LMLN: variants seen among roughly 807,000 people sequenced by gnomAD.
LMLN encodes the protein leishmanolysin like peptidase.
In LMLN, 70 loss-of-function variants were observed where a neutral mutation model predicts 92.3. The observed-to-expected ratio is 0.76, with a 90% CI of 0.63 to 0.92. LMLN has a LOEUF of 0.92. Among genes scored for constraint, LMLN ranks in the 40% least tolerant of loss-of-function variants. The pLI is 0.00. For synonymous variants in LMLN, 308 were observed against 296.2 expected (o/e 1.04, Z -0.41); for missense variants, 691 against 814.6 (o/e 0.85, Z 1.85).
intron 8 of LMLN, among the ~76,000 whole-genome samples, chr3:197,989,716 G>A (rs2109881280): frequency 6.6e-6 from 1 of 152,004 alleles, no homozygotes. Context: ...TTGTTGAAAA[G>A]ATGAAATTTA....
rs531717004 is a variant in LMLN at position 197,994,336 on chromosome 3, CAG to C, written c.1048-1833_1048-1832del. On this transcript the variant is annotated intron_variant, in intron 9 of 15. Transcript: ENST00000330198. Reference sequence around the variant, plus strand: ...AAAGTGTGAAGAGACAGCCTAGAAACAGAGAGAAAATATTTGCAAGCCATACA... The same window carrying C: ...AAAGTGTGAAGAGACAGCCTAGAAACAGAGAAAATATTTGCAAGCCATACA... Among the ~76,000 whole-genome samples the C allele has an allele frequency of 2.2e-3, 328 of 152,136 alleles. 2 individuals are homozygous for C. The highest frequency in any genetic ancestry group is 3.8e-3 in the Non-Finnish European group (255 of 67,984).
Position 198,025,761 on chromosome 3 carries a change from A to G in LMLN, c.1656+973A>G, listed in dbSNP as rs1159469989. On this transcript the variant is annotated intron_variant, in intron 14 of 15. Transcript: ENST00000330198. The surrounding 1 kb of genome is among the most constrained non-coding windows in gnomAD (Gnocchi z 4.3). ...TAAAGATGTAGCCATTCTGTGACTT[A>G]GGAGCATCCAATGGAATGAATCTTC... Among the ~76,000 whole-genome samples, 1 of 152,234 alleles carries G rather than the reference A, an allele frequency of 6.6e-6. No homozygotes were observed. The highest frequency in any genetic ancestry group is 6.5e-5 in the Admixed American group (1 of 15,276).
At chr3:197,966,502 T>A (rs1206043556) in intron 1 of LMLN, among the ~76,000 whole-genome samples, 1 of 152,156 alleles carries the variant, frequency 6.6e-6, no homozygotes, top group Non-Finnish European at 1.5e-5. Context: ...AGGTATGCTT[T>A]ATAAAATTAA....
chr3:198,020,242 C>T lies in LMLN; in HGVS notation c.1365+857C>T, dbSNP rs1392899679. On this transcript the variant is annotated intron_variant, in intron 12 of 15. Transcript: ENST00000330198. ...AACTCCTGACCTCATGTGATCTGCC[C>T]GCCTCAGCCTCCCAAAGTGTTGGGA... 3.3e-5 allele frequency among the ~76,000 whole-genome samples: 5 copies of T among 151,910 alleles called. No homozygotes were observed. In the East Asian group the frequency reaches 5.8e-4, roughly 18 times the overall value.
chr3:197,998,626 A>G (rs1330869203), intron 10 of LMLN, among the ~76,000 whole-genome samples: 1 of 152,186 alleles, frequency 6.6e-6, no homozygotes, highest in East Asian at 1.9e-4. Flanking sequence ...GTTCAATGGA[A>G]AGATTTAAAG....
chr3:198,038,817 C>G (rs1723307914), exon 16 of LMLN: 1 of 632,024 alleles, frequency 1.6e-6, no homozygotes, highest in South Asian at 1.8e-5. Flanking sequence ...GACCTTGAAG[C>G]AGAACTTCAC....
intron 1 of LMLN, among the ~76,000 whole-genome samples, chr3:197,962,777 T>C (rs1720941916): frequency 6.6e-6 from 1 of 152,068 alleles, no homozygotes; most frequent in Non-Finnish European, 1.5e-5. Context: ...CTTTTTTTTT[T>C]TTTTTGCCCC....
chr3:198,022,593 C>T (rs13064175), intron 13 of LMLN, among the ~76,000 whole-genome samples: 16,161 of 152,284 alleles, frequency 0.11, 1,147 homozygotes, highest in Non-Finnish European at 0.15. Context: ...CAGTGGCTCA[C>T]GCCTGTAATC....
At chr3:197,984,922 C>T (rs538666154) in intron 7 of LMLN, among the ~76,000 whole-genome samples, 2 of 152,072 alleles carry the variant, frequency 1.3e-5, no homozygotes, top group African/African-American at 4.8e-5. Context: ...AGTGATCCCC[C>T]CCGCCTCAGC....
At chr3:198,008,777 A>G (rs1446619784) in intron 11 of LMLN, among the ~76,000 whole-genome samples, 4 of 152,204 alleles carry the variant, frequency 2.6e-5, no homozygotes, top group South Asian at 4.1e-4. Flanking sequence ...GGTGTTTATC[A>G]TGCTTTATTT....
chr3:198,036,233 T>G (rs1256262490), intron 15 of LMLN, among the ~76,000 whole-genome samples, 190 bp downstream of exon 16: 1 of 152,184 alleles, frequency 6.6e-6, no homozygotes, highest in Non-Finnish European at 1.5e-5. Flanking sequence ...CTTGACACTT[T>G]TGAGTAAGAG....
chr3:197,971,526 C>A (rs947596131), intron 1 of LMLN, among the ~76,000 whole-genome samples: 1 of 152,172 alleles, frequency 6.6e-6, no homozygotes, highest in African/African-American at 2.4e-5. Flanking sequence ...TCTCTCATTG[C>A]TTTCAATATT....
chr3:197,965,371 C>T (rs373665871), intron 1 of LMLN, among the ~76,000 whole-genome samples: 2 of 151,696 alleles, frequency 1.3e-5, no homozygotes, highest in African/African-American at 2.4e-5. Context: ...TAATTTTTCA[C>T]GTGTACTTGT....
chr3:198,013,650 C>T (rs1396084982), intron 11 of LMLN, among the ~76,000 whole-genome samples: 1 of 132,096 alleles, frequency 7.6e-6, no homozygotes, highest in Non-Finnish European at 1.6e-5. Context: ...TTCTCTCCAC[C>T]CTTCAGAGCC....
intron 9 of LMLN, among the ~76,000 whole-genome samples, chr3:197,991,198 C>T (rs75160781): frequency 5.3e-4 from 80 of 150,238 alleles, no homozygotes; most frequent in African/African-American, 1.8e-3. Flanking sequence ...CTGTCTCCTG[C>T]GCCAAAGTGA....
chr3:198,009,105 C>T (rs1056326507), intron 11 of LMLN, among the ~76,000 whole-genome samples: 13 of 152,102 alleles, frequency 8.5e-5, no homozygotes, highest in Non-Finnish European at 1.3e-4. Context: ...AATCTGTTGT[C>T]TGCTGTTTTT....
At chr3:197,993,908 A>AG (rs1215310094) in intron 9 of LMLN, among the ~76,000 whole-genome samples, 1 of 152,220 alleles carries the variant, frequency 6.6e-6, no homozygotes, top group Non-Finnish European at 1.5e-5. Flanking sequence ...GCATAAAAAT[A>AG]GGCACATTGA....
chr3:198,015,679 C>T (rs1430783650), intron 11 of LMLN, among the ~76,000 whole-genome samples: 100 of 98,556 alleles, frequency 1.0e-3, no homozygotes, highest in Middle Eastern at 8.8e-3. Context: ...GTCTGACTTC[C>T]CTCCACCCTT....
chr3:197,999,497 A>G lies in LMLN; in HGVS notation c.1232+155A>G, dbSNP rs1038330478. ...CAGTTAGCTGTCCGTTATTCATACC[A>G]ACTCCATTCATTCATTCGTTCATTC... On this transcript the variant is annotated intron_variant, in intron 11 of 15. Coordinates refer to ENST00000330198, the Ensembl canonical transcript of LMLN. The G allele has an allele frequency of 4.9e-6, 3 of 607,352 alleles. No individual in the cohort carries two copies. In the Admixed American group the frequency reaches 8.7e-5, roughly 18 times the overall value. The allele number at this position is 607,352 out of a possible 1,614,324, so 37.6% of individuals were successfully genotyped here.
Sources: allele counts gnomAD v4.1 joint callset (sites outside exome capture counted in the v4.1 genomes callset), GRCh38; gene constraint gnomAD v4.1.1; non-coding constraint Gnocchi (gnomAD v3.1); transcripts MANE v1.5; gene names NCBI Gene and HGNC (gene_info 2026-07-23, HGNC 2026-07-21).